ANPEP: variants seen among roughly 807,000 people sequenced by gnomAD.
ANPEP encodes the protein aminopeptidase N.
A neutral mutation model predicts 114.6 loss-of-function variants in ANPEP; 70 were observed. The ratio of observed to expected loss-of-function variants is 0.61; its 90% CI spans 0.50 to 0.75. The LOEUF is 0.75. ANPEP is among the 30% of genes least tolerant of loss of function. ANPEP has a pLI of 0.00. For missense variants in ANPEP, 1,184 were observed against 1,259.5 expected, an observed-to-expected ratio of 0.94 and a Z score of 0.91; for synonymous variants, 548 against 522.3, an observed-to-expected ratio of 1.05 and a Z score of -0.67.
rs1343895884 is a variant in ANPEP at position 89,806,350 on chromosome 15, G to C, written c.234C>G (p.Asn78Lys). 1.2e-6 allele frequency: 2 copies of C among 1,614,098 alleles called. No homozygotes were observed. The highest frequency in any genetic ancestry group is 1.3e-5 in the African/African-American group (1 of 74,922). The change falls in exon 2 of 21, where the codon AAC (asparagine) becomes AAG (lysine). Residue 78 changes from asparagine to lysine, a missense_variant. Asn to Lys is a moderately conservative substitution (Grantham distance 94). Coordinates refer to ENST00000300060, the MANE Select transcript of ANPEP (RefSeq NM_001150.3). This position sits in a 1 kb window ranked among gnomAD's most constrained non-coding sequence, Gnocchi z 5.7. ...CCCGGTAGGAATCGGGTTTCAGCGTGTTGGGGAGGCGGTAACGATTCCACG... is the reference window on the plus strand; with the variant it reads ...CCCGGTAGGAATCGGGTTTCAGCGTCTTGGGGAGGCGGTAACGATTCCACG... Reference protein sequence around the residue: ...SKAWNRYRLPNTLKPDSYRVT... With the variant: ...SKAWNRYRLPKTLKPDSYRVT...
intron 1 of ANPEP, among the ~76,000 whole-genome samples, chr15:89,808,125 G>A (rs925351886): frequency 2.0e-5 from 3 of 152,144 alleles, no homozygotes; most frequent in Non-Finnish European, 2.9e-5. Flanking sequence ...GGTACAGTCA[G>A]CCTGCCCATT....
At chr15:89,793,513 C>T (rs1473525487) in intron 15 of ANPEP, among the ~76,000 whole-genome samples, 1 of 151,952 alleles carries the variant, frequency 6.6e-6, no homozygotes, top group African/African-American at 2.4e-5. Context: ...TCAGCCTGGG[C>T]AACATGGTGA....
chr15:89,802,055 CTGT>C (rs1366694950), intron 10 of ANPEP, among the ~76,000 whole-genome samples: 5 of 152,168 alleles, frequency 3.3e-5, no homozygotes, highest in Admixed American at 1.3e-4. Context: ...CTCAGGGGCA[CTGT>C]TGTTGTCTTC....
At chr15:89,812,695 C>T (rs1389185385) in intron 1 of ANPEP, among the ~76,000 whole-genome samples, 1 of 151,976 alleles carries the variant, frequency 6.6e-6, no homozygotes, top group Non-Finnish European at 1.5e-5. Flanking sequence ...TGAGCACCTA[C>T]TATGTGCCCT....
rs114265411 is a variant in ANPEP, at chr15:89,805,307, C to A, written c.757+14G>T. 4,025 of 1,613,322 alleles carry A rather than the reference C, an allele frequency of 2.5e-3. 91 individuals carry two copies. The African/African-American group carries it at 0.048, about 19-fold the overall frequency. ...TGCCCCCTGGCCCTGTGGCCGCAGG[C>A]AGGGCCCACTCACCTTTGGGAAGCA... On this transcript the variant is annotated intron_variant, in intron 3 of 20. Transcript: ENST00000300060.
intron 3 of ANPEP, 50 bp downstream of exon 3, chr15:89,805,271 C>A (rs779385969): frequency 3.1e-6 from 5 of 1,613,022 alleles, no homozygotes; most frequent in Non-Finnish European, 3.4e-6. Context: ...CACACCCCAG[C>A]CCAGGGTGCC....
intron 20 of ANPEP, among the ~76,000 whole-genome samples, chr15:89,788,598 T>G (rs963800243): frequency 5.9e-5 from 9 of 152,014 alleles, no homozygotes; most frequent in African/African-American, 1.9e-4. Flanking sequence ...TTTGTTTGGT[T>G]TGGTTTGGTT....
Position 89,799,111 on chromosome 15 carries a change from C to T in ANPEP, c.2009+149G>A. 1 of 828,246 alleles carries T rather than the reference C, an allele frequency of 1.2e-6. No homozygotes were observed. Among genetic ancestry groups the T allele is most frequent in the South Asian group, 1.6e-5 (1 of 62,418 alleles). 51.3% of individuals were successfully genotyped at this position (828,246 alleles called of 1,614,324 possible). Reference sequence around the variant, plus strand: ...TCTGTGAAATGGGTGTGTGGGGACCCAGGGAGGGACGTCCAGGGAGCACAG... The same window carrying T: ...TCTGTGAAATGGGTGTGTGGGGACCTAGGGAGGGACGTCCAGGGAGCACAG... On this transcript the variant is annotated intron_variant, in intron 14 of 20. Coordinates refer to ENST00000300060, the MANE Select transcript of ANPEP (RefSeq NM_001150.3). This position sits in a 1 kb window ranked among gnomAD's most constrained non-coding sequence, Gnocchi z 4.2.
intron 20 of ANPEP, 90 bp from the exon 21 acceptor site, chr15:89,785,591 C>T: frequency 2.6e-6 from 4 of 1,557,822 alleles, no homozygotes; most frequent in Non-Finnish European, 3.5e-6. Context: ...TCCACTCCCA[C>T]TTTAGAGTCC....
Position 89,799,301 on chromosome 15 carries a change from G to T in ANPEP, c.1968C>A (p.Ile656=). 6.2e-7 allele frequency: 1 copy of T among 1,614,214 alleles called. No individual in the cohort carries two copies. The highest frequency in any genetic ancestry group is 8.5e-7 in the Non-Finnish European group (1 of 1,180,042). ...CGTCATTAATGATCTGTGCCCGATTGATGACAGGGATGGCCTAGAATGCGA... is the reference window on the plus strand; with the variant it reads ...CGTCATTAATGATCTGTGCCCGATTTATGACAGGGATGGCCTAGAATGCGA... ...LQRDHSAIPV[I]NRAQIINDAF... Residue 656 remains isoleucine, a synonymous_variant, in exon 14 of 21, where the codon ATC becomes ATA. Coordinates refer to ENST00000300060, the MANE Select transcript of ANPEP (RefSeq NM_001150.3). The surrounding 1 kb of genome is among the most constrained non-coding windows in gnomAD (Gnocchi z 4.2).
At position 89,789,775 on chromosome 15, in the gene ANPEP, C is replaced by CAAA. The variant is rs57965822; in HGVS notation, c.2751+682_2751+684dup. 4.6e-4 allele frequency among the ~76,000 whole-genome samples: 45 copies of CAAA among 97,482 alleles called. 3 individuals carry two copies. The highest frequency in any genetic ancestry group is 1.7e-3 in the African/African-American group (42 of 24,338). The allele number at this position is 97,482 out of a possible 152,430, so 64.0% of individuals were successfully genotyped here. A position where few individuals can be genotyped will look rare whatever the true frequency, so the allele number is the denominator to read the frequency against. ...TGCATGACAGAGCGAGACTCAGTCT[C>CAAA]AAAAAAAAAAAAAAGCTGGACGCCG... On this transcript the variant is annotated intron_variant, in intron 20 of 20. Transcript: ENST00000300060.
At chr15:89,797,871 G>T in intron 14 of ANPEP, 149 bp from the exon 15 acceptor site, 1 of 1,093,384 alleles carries the variant, frequency 9.1e-7, no homozygotes, top group Non-Finnish European at 1.3e-6. Context: ...TCCCAACTGA[G>T]CCAGCTCAGG....
chr15:89,803,630 CGAG>C lies in ANPEP; in HGVS notation c.1437+14_1437+16del. 1 of 1,605,680 alleles carries C rather than the reference CGAG, an allele frequency of 6.2e-7. No individual in the cohort carries two copies. Among genetic ancestry groups the C allele is most frequent in the Non-Finnish European group, 8.5e-7 (1 of 1,174,948 alleles). On this transcript the variant is annotated intron_variant, in intron 8 of 20. Transcript: ENST00000300060. This position sits in a 1 kb window ranked among gnomAD's most constrained non-coding sequence, Gnocchi z 4.2. ...TCCCCACCTCCTTCCCCGTGCCCCACGAGGAGCGGGCTGCACCTTGCTGTAGGA... is the reference window on the plus strand; with the variant it reads ...TCCCCACCTCCTTCCCCGTGCCCCACGAGCGGGCTGCACCTTGCTGTAGGA...
At chr15:89,813,219 C>T (rs772961200) in intron 1 of ANPEP, among the ~76,000 whole-genome samples, 1 of 152,202 alleles carries the variant, frequency 6.6e-6, no homozygotes, top group Non-Finnish European at 1.5e-5. Flanking sequence ...GATCTCCCAC[C>T]AGAGCCAGCC....
chr15:89,808,078 G>A (rs989949684), intron 1 of ANPEP, among the ~76,000 whole-genome samples: 4 of 152,132 alleles, frequency 2.6e-5, no homozygotes, highest in South Asian at 2.1e-4. Context: ...TGCTTGTAGA[G>A]TCCAGACCAG....
intron 16 of ANPEP, 134 bp downstream of exon 16, chr15:89,792,901 C>T: frequency 1.2e-6 from 1 of 807,092 alleles, no homozygotes. Flanking sequence ...GCAGGACCTC[C>T]CTGCTCCTGG....
At chr15:89,796,288 A>G (rs142958278) in intron 15 of ANPEP, among the ~76,000 whole-genome samples, 7 of 152,364 alleles carry the variant, frequency 4.6e-5, no homozygotes, top group African/African-American at 1.7e-4. Flanking sequence ...AAACATAAAC[A>G]TAGTGCTCTA....
chr15:89,803,132 TCAGCCGCGGAGCTGGA>T lies in ANPEP; in HGVS notation c.1569+91_1569+106del. 1 of 1,291,124 alleles carries T rather than the reference TCAGCCGCGGAGCTGGA, an allele frequency of 7.7e-7. No individual in the cohort carries two copies. The highest frequency in any genetic ancestry group is 1.1e-6 in the Non-Finnish European group (1 of 892,202). The allele number at this position is 1,291,124 out of a possible 1,614,324, so 80.0% of individuals were successfully genotyped here. The stretch of plus-strand genomic sequence containing the variant: ...GGCTCCATCCACCCTGCAGGGCTGG[TCAGCCGCGGAGCTGGA>T]CCCATTCTCTTACGCATGTGCTGCC... On this transcript the variant is annotated intron_variant, in intron 10 of 20. Coordinates refer to ENST00000300060, the MANE Select transcript of ANPEP (RefSeq NM_001150.3). The surrounding 1 kb of genome is among the most constrained non-coding windows in gnomAD (Gnocchi z 4.2).
chr15:89,811,921 C>T (rs1015813775), intron 1 of ANPEP, among the ~76,000 whole-genome samples: 3 of 152,224 alleles, frequency 2.0e-5, no homozygotes, highest in Non-Finnish European at 2.9e-5. Flanking sequence ...TGTATTTCTT[C>T]CCTGCCTATG....
Sources: gnomAD v4.1 joint callset for allele counts (sites outside exome capture counted in the v4.1 genomes callset) on GRCh38, gnomAD v4.1.1 for gene constraint, Gnocchi (gnomAD v3.1) non-coding constraint, MANE v1.5 for transcripts, NCBI Gene and HGNC (gene_info 2026-07-23, HGNC 2026-07-21) for gene names.